The following WWOX variants were observed in gnomAD, a reference collection of about 807,000 sequenced individuals.
The protein encoded by WWOX is WW domain-containing oxidoreductase.
In WWOX, 69 loss-of-function variants were observed where a neutral mutation model predicts 46.2. That is an observed-to-expected ratio of 1.49 (90% CI 1.23 to 1.82). The LOEUF is 1.82. Among genes scored for constraint, WWOX ranks in the 40% most tolerant of loss-of-function variants. WWOX has a pLI of 0.00. For missense variants in WWOX, 919 were observed against 542.6 expected (o/e 1.69, Z -6.89); for synonymous variants, 359 against 202.6 (o/e 1.77, Z -6.56).
intron 8 of WWOX, among the ~76,000 whole-genome samples, chr16:78,575,416 T>C (rs1235116888): frequency 6.6e-6 from 1 of 151,878 alleles, no homozygotes; most frequent in African/African-American, 2.4e-5. Flanking sequence ...GTGGTGTTAA[T>C]CTTACACCTA....
chr16:78,704,107 C>T (rs941726536), intron 8 of WWOX, among the ~76,000 whole-genome samples: 22 of 151,860 alleles, frequency 1.4e-4, no homozygotes, highest in East Asian at 3.9e-4. Context: ...CCACCCAGCA[C>T]GTCATGGTGG....
intron 8 of WWOX, among the ~76,000 whole-genome samples, chr16:79,030,856 G>T (rs1017344155): frequency 6.6e-6 from 1 of 152,146 alleles, no homozygotes; most frequent in African/African-American, 2.4e-5. Flanking sequence ...GCTGAGGCAG[G>T]AGGATCGCTT....
chr16:78,146,705 G>C (rs1033234521), intron 4 of WWOX, among the ~76,000 whole-genome samples: 1 of 152,156 alleles, frequency 6.6e-6, no homozygotes, highest in Non-Finnish European at 1.5e-5. Flanking sequence ...TTCTCAGATA[G>C]CGTAAAAAGT....
chr16:78,497,954 G>C (rs2084958541), intron 8 of WWOX, among the ~76,000 whole-genome samples: 1 of 152,080 alleles, frequency 6.6e-6, no homozygotes, highest in African/African-American at 2.4e-5. Flanking sequence ...TGTAATGACA[G>C]CACTTTGGGA....
At chr16:79,080,425 G>C (rs768223526) in intron 8 of WWOX, among the ~76,000 whole-genome samples, 1 of 152,072 alleles carries the variant, frequency 6.6e-6, no homozygotes, top group Non-Finnish European at 1.5e-5. Context: ...GCCTAACACT[G>C]AATCCCAAAT....
intron 5 of WWOX, among the ~76,000 whole-genome samples, chr16:78,327,946 G>A (rs2080667599): frequency 7.7e-6 from 1 of 129,322 alleles, no homozygotes; most frequent in Non-Finnish European, 1.5e-5. Flanking sequence ...GTACAATCTT[G>A]GCTCATGGCA....
At chr16:79,050,728 G>C (rs1262240515) in intron 8 of WWOX, among the ~76,000 whole-genome samples, 3 of 152,342 alleles carry the variant, frequency 2.0e-5, no homozygotes, top group Non-Finnish European at 4.4e-5. Context: ...GGGCTACATA[G>C]GTTGGGGGAA....
chr16:78,759,346 A>C (rs1457231075), intron 8 of WWOX, among the ~76,000 whole-genome samples: 2 of 152,188 alleles, frequency 1.3e-5, no homozygotes, highest in Non-Finnish European at 2.9e-5. Flanking sequence ...GAGCCAGGCA[A>C]GGCACAGAAA....
chr16:79,030,079 C>A (rs957198805), intron 8 of WWOX, among the ~76,000 whole-genome samples: 28 of 152,056 alleles, frequency 1.8e-4, no homozygotes, highest in African/African-American at 6.8e-4. Flanking sequence ...ATAGCATCTG[C>A]CCAAAAGATG....
chr16:78,378,524 G>C (rs1041752751), intron 5 of WWOX, among the ~76,000 whole-genome samples: 1 of 152,184 alleles, frequency 6.6e-6, no homozygotes, highest in Non-Finnish European at 1.5e-5. Flanking sequence ...GTGTTATGAA[G>C]TCCCACATAT....
At chr16:78,853,056 A>T (rs1458562319) in intron 8 of WWOX, among the ~76,000 whole-genome samples, 1 of 152,164 alleles carries the variant, frequency 6.6e-6, no homozygotes, top group Admixed American at 6.5e-5. Flanking sequence ...TTATCTGCAA[A>T]ATGAGAATAC....
At chr16:78,936,371 C>G (rs1364876163) in intron 8 of WWOX, among the ~76,000 whole-genome samples, 1 of 152,080 alleles carries the variant, frequency 6.6e-6, no homozygotes, top group Non-Finnish European at 1.5e-5. Flanking sequence ...TTGAAGACCC[C>G]AAAACTAACC....
chr16:78,361,400 A>G (rs571883247), intron 5 of WWOX, among the ~76,000 whole-genome samples: 5 of 152,240 alleles, frequency 3.3e-5, no homozygotes, highest in Middle Eastern at 3.4e-3. Context: ...TGAAATTCAT[A>G]ATTATTTGAA....
chr16:78,369,931 G>C (rs1222758712), intron 5 of WWOX, among the ~76,000 whole-genome samples: 5 of 151,892 alleles, frequency 3.3e-5, no homozygotes, highest in South Asian at 2.1e-4. Flanking sequence ...CCAGGAGTTT[G>C]AGACCAGCCT....
intron 8 of WWOX, among the ~76,000 whole-genome samples, chr16:79,054,079 AAAG>A (rs1429531854): frequency 6.6e-6 from 1 of 152,128 alleles, no homozygotes; most frequent in Non-Finnish European, 1.5e-5. Flanking sequence ...TGAGCCAATA[AAAG>A]AAGCTATATT....
intron 8 of WWOX, among the ~76,000 whole-genome samples, chr16:78,879,286 A>G (rs1022602958): frequency 6.6e-6 from 1 of 152,226 alleles, no homozygotes; most frequent in Non-Finnish European, 1.5e-5. Context: ...ATTGCATCTC[A>G]GTATGAGACA....
At chr16:78,386,619 A>ACCCAC (rs376520195) in intron 5 of WWOX, among the ~76,000 whole-genome samples, 172 of 124,910 alleles carry the variant, frequency 1.4e-3, no homozygotes, top group African/African-American at 4.8e-3. Flanking sequence ...ACACAGCACA[A>ACCCAC]CCCACCCCCC....
In WWOX at chr16:78,739,704, C is replaced by T. The variant is rs143932378; in HGVS notation, c.1056+306952C>T. On this transcript the variant is annotated intron_variant, in intron 8 of 8. Transcript: ENST00000566780. The stretch of plus-strand genomic sequence containing the variant: ...TGCATGCCTGTAATCCCAGCTACTG[C>T]AGAGGCTGAGGCAGGAGAATCGCTT... Among the ~76,000 whole-genome samples, 7 of 152,098 alleles carry T rather than the reference C, an allele frequency of 4.6e-5. No homozygotes were observed. The East Asian group carries it at 7.7e-4, about 17-fold the overall frequency.
rs191030925 is a variant in WWOX, at chr16:78,215,482, C to A, written c.516+51193C>A. Among the ~76,000 whole-genome samples, 5 of 152,306 alleles carry A rather than the reference C, an allele frequency of 3.3e-5. No individual in the cohort carries two copies. In the South Asian group the frequency reaches 6.2e-4, roughly 19 times the overall value. ...CTGGCCTTCATTCTCTTTCCTGCTG[C>A]TTTGCGAAGAAGGTGCTTGCTTCTG... On this transcript the variant is annotated intron_variant, in intron 5 of 8. Coordinates refer to ENST00000566780, the MANE Select transcript of WWOX (RefSeq NM_016373.4).
Sources: allele counts gnomAD v4.1 joint callset (sites outside exome capture counted in the v4.1 genomes callset), GRCh38; gene constraint gnomAD v4.1.1; transcripts MANE v1.5; gene names NCBI Gene and HGNC (gene_info 2026-07-23, HGNC 2026-07-21).